Variants in LAMA2 observed in about 807,000 individuals in gnomAD.
LAMA2 encodes the protein laminin subunit alpha 2, also known as laminin subunit alpha-2.
In LAMA2, 269 loss-of-function variants were observed where a neutral mutation model predicts 364.8. The ratio of observed to expected loss-of-function variants is 0.74; its 90% confidence interval spans 0.67 to 0.82. The LOEUF is 0.82. LAMA2 is among the 40% of genes least tolerant of loss of function. LAMA2 has a pLI of 0.00. For missense variants in LAMA2, 3,807 were observed against 3,873.2 expected (o/e 0.98, Z 0.45); for synonymous variants, 1,379 against 1,370.6 (o/e 1.01, Z -0.14).
intron 29 of LAMA2, among the ~76,000 whole-genome samples, chr6:129,341,088 A>T (rs561507285): frequency 2.4e-4 from 37 of 152,240 alleles, no homozygotes; most frequent in Non-Finnish European, 4.4e-4. Flanking sequence ...CATTAATTCC[A>T]TGGCAATATC....
chr6:129,175,588 A>G (rs534120906), intron 9 of LAMA2, among the ~76,000 whole-genome samples: 4 of 152,346 alleles, frequency 2.6e-5, no homozygotes, highest in Admixed American at 6.5e-5. Flanking sequence ...ATTAACTAGC[A>G]TTACAGAAAA....
intron 34 of LAMA2, among the ~76,000 whole-genome samples, chr6:129,380,145 TG>T (rs752142118): frequency 2.0e-5 from 3 of 152,134 alleles, no homozygotes; most frequent in Admixed American, 6.6e-5. Flanking sequence ...AAAGAGAGCA[TG>T]TGCTAGAATA....
intron 4 of LAMA2, among the ~76,000 whole-genome samples, chr6:129,131,337 T>C (rs1468588387): frequency 6.6e-6 from 1 of 152,240 alleles, no homozygotes; most frequent in Non-Finnish European, 1.5e-5. Context: ...TCTTGAGTTG[T>C]AATATTTCTT....
intron 35 of LAMA2, among the ~76,000 whole-genome samples, 188 bp from the exon 36 acceptor site, chr6:129,391,303 G>A (rs1420321647): frequency 1.3e-5 from 2 of 152,024 alleles, no homozygotes; most frequent in Non-Finnish European, 2.9e-5. Flanking sequence ...ATATAATATT[G>A]AGAAACATAT....
At chr6:129,469,774 A>AT (rs1232885067) in intron 51 of LAMA2, among the ~76,000 whole-genome samples, 1 of 151,944 alleles carries the variant, frequency 6.6e-6, no homozygotes, top group East Asian at 1.9e-4. Flanking sequence ...ATACTCAGCA[A>AT]TAAAAAATAA....
At chr6:129,490,666 T>C (rs926365476) in intron 56 of LAMA2, 8 of 152,046 alleles carry the variant, frequency 5.3e-5, no homozygotes, top group African/African-American at 1.7e-4. Context: ...GAGTCACACA[T>C]ACCCGGAAGT....
intron 29 of LAMA2, among the ~76,000 whole-genome samples, chr6:129,340,830 C>CAAAAAAAAAAAAAAAAAAAAAAA (rs34264921): frequency 3.4e-5 from 2 of 59,582 alleles, no homozygotes; most frequent in African/African-American, 5.5e-5. Context: ...AGCTCTGTCT[C>CAAAAAAAAAAAAAAAAAAAAAAA]AAAAAAAAAA....
intron 1 of LAMA2, among the ~76,000 whole-genome samples, chr6:129,012,549 A>T (rs1227145462): frequency 6.6e-6 from 1 of 152,174 alleles, no homozygotes; most frequent in African/African-American, 2.4e-5. Context: ...TTTCTTGACT[A>T]TTTACAGGAA....
intron 37 of LAMA2, among the ~76,000 whole-genome samples, chr6:129,394,277 G>A (rs182488918): frequency 1.3e-4 from 20 of 152,236 alleles, no homozygotes; most frequent in South Asian, 4.2e-4. Context: ...TAATTTCACC[G>A]TCAACAGTAA....
At chr6:129,142,916 G>A (rs1315377687) in intron 4 of LAMA2, among the ~76,000 whole-genome samples, 3 of 151,352 alleles carry the variant, frequency 2.0e-5, no homozygotes, top group African/African-American at 7.3e-5. Flanking sequence ...CTTTGAATAG[G>A]GCCCTCATAT....
At chr6:129,387,378 T>C (rs1186602005) in intron 35 of LAMA2, among the ~76,000 whole-genome samples, 1 of 152,134 alleles carries the variant, frequency 6.6e-6, no homozygotes, top group Admixed American at 6.5e-5. Context: ...CCAGTCAGAT[T>C]GGTAATTATT....
At chr6:129,374,708 G>T (rs1333566021) in intron 34 of LAMA2, among the ~76,000 whole-genome samples, 2 of 151,158 alleles carry the variant, frequency 1.3e-5, no homozygotes. Context: ...CTCCCAAGTA[G>T]CTGGGATTGC....
chr6:129,320,600 C>A lies in LAMA2; in HGVS notation c.4121C>A (p.Ala1374Asp). 1 of 1,613,700 alleles carries A rather than the reference C, an allele frequency of 6.2e-7. No homozygotes were observed. The highest frequency in any genetic ancestry group is 8.5e-7 in the Non-Finnish European group (1 of 1,179,666). ...QGRGTTMTPPADLIEKCDCPL... is the reference protein window; with the variant it reads ...QGRGTTMTPPDDLIEKCDCPL... Reference sequence around the variant, plus strand: ...CGTGGAACAACAATGACTCCTCCAGCTGACTTGATTGAAAAATGTGATTGT... The same window carrying A: ...CGTGGAACAACAATGACTCCTCCAGATGACTTGATTGAAAAATGTGATTGT... The change falls in exon 28 of 65, where the codon GCT (alanine) becomes GAT (aspartate). Residue 1374 changes from alanine to aspartate, a missense_variant. Coordinates refer to ENST00000421865, the MANE Select transcript of LAMA2 (RefSeq NM_000426.4).
At chr6:129,223,371 C>T (rs1784012583) in intron 12 of LAMA2, among the ~76,000 whole-genome samples, 1 of 152,178 alleles carries the variant, frequency 6.6e-6, no homozygotes, top group Non-Finnish European at 1.5e-5. Context: ...TCAACTTTGG[C>T]TTTTGTTGCC....
chr6:129,464,051 A>G (rs1270409545), intron 49 of LAMA2, among the ~76,000 whole-genome samples: 1 of 151,968 alleles, frequency 6.6e-6, no homozygotes, highest in Non-Finnish European at 1.5e-5. Flanking sequence ...TACAAAACAT[A>G]AAGCACTTAA....
intron 39 of LAMA2, 66 bp from the exon 40 acceptor site, chr6:129,403,755 T>A: frequency 6.8e-7 from 1 of 1,468,210 alleles, no homozygotes; most frequent in Non-Finnish European, 9.5e-7. Context: ...TTTCATATAA[T>A]TAGGACGTTC....
intron 55 of LAMA2, among the ~76,000 whole-genome samples, chr6:129,486,030 G>T (rs780153864): frequency 3.3e-5 from 5 of 152,188 alleles, no homozygotes; most frequent in Non-Finnish European, 7.3e-5. Flanking sequence ...TTGTGATAGC[G>T]ATCTATTCTA....
At chr6:129,232,674 C>T (rs2115133620) in intron 12 of LAMA2, among the ~76,000 whole-genome samples, 1 of 152,112 alleles carries the variant, frequency 6.6e-6, no homozygotes, top group East Asian at 1.9e-4. Context: ...CCAAGATACC[C>T]ATAGCTGAAT....
chr6:129,319,072 C>A (rs753706150), intron 27 of LAMA2, among the ~76,000 whole-genome samples: 6 of 151,954 alleles, frequency 3.9e-5, no homozygotes, highest in African/African-American at 7.3e-5. Flanking sequence ...AGTTAAGTTA[C>A]TTGAAGGAAT....
Sources: allele counts gnomAD v4.1 joint callset (sites outside exome capture counted in the v4.1 genomes callset), GRCh38; gene constraint gnomAD v4.1.1; transcripts MANE v1.5; gene names NCBI Gene and HGNC (gene_info 2026-07-23, HGNC 2026-07-21).